Variants in SLC4A8 observed in about 807,000 individuals in gnomAD.
SLC4A8 encodes solute carrier family 4 member 8.
SLC4A8 carries 40 observed loss-of-function variants against 125.0 expected under a neutral mutation model. The observed-to-expected ratio is 0.32, with a 90% CI of 0.25 to 0.42. SLC4A8 has a LOEUF of 0.42. Among genes scored for constraint, SLC4A8 ranks in the 10% least tolerant of loss-of-function variants. SLC4A8 has a pLI of 1.00. For missense variants in SLC4A8, 863 were observed against 1,355.1 expected (o/e 0.64, Z 5.70); for synonymous variants, 456 against 476.0 (o/e 0.96, Z 0.55).
intron 22 of SLC4A8, among the ~76,000 whole-genome samples, chr12:51,500,983 C>T (rs1429855782): frequency 2.0e-5 from 3 of 151,758 alleles, no homozygotes; most frequent in African/African-American, 7.3e-5. Flanking sequence ...CACCCATTAA[C>T]TCATCATTTA....
chr12:51,416,214 T>TTTTG (rs1555185911), intron 1 of SLC4A8, among the ~76,000 whole-genome samples: 22 of 144,552 alleles, frequency 1.5e-4, no homozygotes, highest in Non-Finnish European at 3.0e-4. Context: ...GTCTTTTGTT[T>TTTTG]TTTTTTTTTT....
At chr12:51,394,138 C>T (rs185788112) in intron 1 of SLC4A8, among the ~76,000 whole-genome samples, 5 of 152,316 alleles carry the variant, frequency 3.3e-5, no homozygotes, top group African/African-American at 1.2e-4. Context: ...AGGTGAATGG[C>T]CCCTATTCCT....
chr12:51,454,237 C>T (rs1312058583), intron 5 of SLC4A8, among the ~76,000 whole-genome samples: 1 of 152,124 alleles, frequency 6.6e-6, no homozygotes, highest in African/African-American at 2.4e-5. Flanking sequence ...GTCAAGGCTG[C>T]GGTGAGTCAA....
At chr12:51,432,719 C>T (rs569576230) in intron 1 of SLC4A8, among the ~76,000 whole-genome samples, 39 of 152,014 alleles carry the variant, frequency 2.6e-4, no homozygotes, top group African/African-American at 9.4e-4. Context: ...GAGACTCTGT[C>T]TCAAAACAAA....
At chr12:51,426,585 A>C (rs1008094167) in intron 1 of SLC4A8, among the ~76,000 whole-genome samples, 7 of 152,192 alleles carry the variant, frequency 4.6e-5, no homozygotes, top group Non-Finnish European at 7.3e-5. Context: ...AATAAATGTT[A>C]ACTGAGGGAA....
intron 21 of SLC4A8, among the ~76,000 whole-genome samples, chr12:51,495,830 G>C (rs1406139905): frequency 2.0e-5 from 3 of 152,112 alleles, no homozygotes; most frequent in African/African-American, 7.2e-5. Context: ...GTTCATCCAT[G>C]TTGTAGCATG....
chr12:51,433,512 C>A (rs1457609128), intron 1 of SLC4A8, among the ~76,000 whole-genome samples: 1 of 151,908 alleles, frequency 6.6e-6, no homozygotes, highest in Non-Finnish European at 1.5e-5. Flanking sequence ...AGTTATGGAC[C>A]CTCTCCCAAG....
chr12:51,507,137 A>G (rs962479606), intron 24 of SLC4A8, among the ~76,000 whole-genome samples: 7 of 152,236 alleles, frequency 4.6e-5, no homozygotes, highest in African/African-American at 1.4e-4. Context: ...CTGAAAAGTC[A>G]CAGCCACCAG....
At chr12:51,482,262 G>T (rs967410326) in intron 16 of SLC4A8, among the ~76,000 whole-genome samples, 2 of 151,940 alleles carry the variant, frequency 1.3e-5, no homozygotes, top group African/African-American at 2.4e-5. Context: ...ATACTGAAAT[G>T]ACAATATTTT....
At chr12:51,453,737 T>C in intron 5 of SLC4A8, 38 bp downstream of exon 5, 1 of 1,584,674 alleles carries the variant, frequency 6.3e-7, no homozygotes, top group Non-Finnish European at 8.6e-7. Flanking sequence ...AACTTTCTTA[T>C]AAATTTAAGA....
intron 3 of SLC4A8, among the ~76,000 whole-genome samples, chr12:51,451,724 G>T (rs919965778): frequency 2.0e-5 from 3 of 150,892 alleles, no homozygotes; most frequent in Admixed American, 2.0e-4. Context: ...ATATGGGAAT[G>T]AAAATCATTT....
intron 1 of SLC4A8, among the ~76,000 whole-genome samples, chr12:51,417,650 TG>T (rs1224812631): frequency 5.9e-5 from 9 of 152,210 alleles, no homozygotes; most frequent in Non-Finnish European, 1.3e-4. Flanking sequence ...CCCGAGTGGC[TG>T]GGACTACAGG....
chr12:51,452,908 G>A (rs892296528), intron 4 of SLC4A8, among the ~76,000 whole-genome samples: 2 of 152,186 alleles, frequency 1.3e-5, no homozygotes, highest in South Asian at 2.1e-4. Flanking sequence ...GGGAAGGAGC[G>A]AGATGGGTAA....
intron 17 of SLC4A8, 100 bp from the exon 18 acceptor site, chr12:51,488,599 T>A: frequency 1.4e-5 from 11 of 798,668 alleles, no homozygotes; most frequent in South Asian, 2.8e-5. Flanking sequence ...AGAACCTCAC[T>A]CAAGAATAAA....
intron 2 of SLC4A8, among the ~76,000 whole-genome samples, chr12:51,447,152 AAGCTCATGC>A (rs545932925): frequency 3.0e-4 from 46 of 151,946 alleles, no homozygotes; most frequent in African/African-American, 1.1e-3. Flanking sequence ...CATAGCTCAT[AAGCTCATGC>A]AGCTTTGAAC....
At position 51,462,366 on chromosome 12, in the gene SLC4A8, T is replaced by G. The variant is rs1210863940; in HGVS notation, c.1158T>G (p.Ile386Met). Residue 386 changes from isoleucine (I) to methionine (M), a missense_variant, in exon 10 of 25, where the codon ATT (isoleucine) becomes ATG (methionine). By Grantham distance (10) the Ile-to-Met change is conservative (BLOSUM62 1). Transcript: ENST00000453097. ...AGCGAGATGATCTCCTGGCGGGGAT[T>G]GATGAGTTCCTAGACCAGGTGACGG... The part of the protein sequence containing the change: ...AKERDDLLAG[I>M]DEFLDQVTVL... 6.2e-7 allele frequency: 1 copy of G among 1,613,678 alleles called. No homozygotes were observed. The highest frequency in any genetic ancestry group is 8.5e-7 in the Non-Finnish European group (1 of 1,179,814).
In SLC4A8 at chr12:51,509,237, T is replaced by C. The variant is rs1334209986; in HGVS notation, c.*1799T>C. 6.6e-6 allele frequency: 1 copy of C among 152,612 alleles called. No individual in the cohort carries two copies. The allele number at this position is 152,612 out of a possible 1,614,324, so 9.5% of individuals were successfully genotyped here. ...TTGTCTCATTTCTATCACAAGGCTG[T>C]TTTGGGCACAGCCTTAGCTTCCTTT... On this transcript the variant is annotated 3_prime_UTR_variant, in exon 25 of 25. Transcript: ENST00000453097.
At chr12:51,506,050 A>G (rs1180869584) in intron 24 of SLC4A8, 120 bp downstream of exon 24, 1 of 606,952 alleles carries the variant, frequency 1.6e-6, no homozygotes, top group African/African-American at 1.9e-5. Context: ...CACTTCCAGG[A>G]ACTGCCGCTA....
chr12:51,488,692 C>A lies in SLC4A8; in HGVS notation c.2287-7C>A. Reference sequence around the variant, plus strand: ...AAAATACAAAAATAATATATTTTCCCCCTTAGCCAACAAGGGATGATCGCG... The same window carrying A: ...AAAATACAAAAATAATATATTTTCCACCTTAGCCAACAAGGGATGATCGCG... On this transcript the variant is annotated splice_polypyrimidine_tract_variant and splice_region_variant and intron_variant, in intron 17 of 24. Coordinates refer to ENST00000453097, the MANE Select transcript of SLC4A8 (RefSeq NM_001039960.3). The A allele has an allele frequency of 6.2e-7, 1 of 1,610,986 alleles. No homozygotes were observed. Among genetic ancestry groups the A allele is most frequent in the Non-Finnish European group, 8.5e-7 (1 of 1,177,888 alleles).
Sources: allele counts gnomAD v4.1 joint callset (sites outside exome capture counted in the v4.1 genomes callset), GRCh38; gene constraint gnomAD v4.1.1; transcripts MANE v1.5; gene names NCBI Gene and HGNC (gene_info 2026-07-23, HGNC 2026-07-21).